The following KLHL8 variants were observed in gnomAD, a reference collection of about 807,000 sequenced individuals.
The protein encoded by KLHL8 is kelch like family member 8.
In KLHL8, 38 loss-of-function variants were observed where a neutral mutation model predicts 63.5. The observed-to-expected ratio is 0.60, with a 90% CI of 0.46 to 0.78. The LOEUF (loss-of-function observed/expected upper bound fraction) is 0.78. KLHL8 is among the 30% of genes least tolerant of loss of function. KLHL8 has a pLI of 0.00. For synonymous variants in KLHL8, 224 were observed against 254.3 expected, an observed-to-expected ratio of 0.88 and a Z score of 1.13; for missense variants, 566 against 752.4, an observed-to-expected ratio of 0.75 and a Z score of 2.90.
chr4:87,217,797 A>G (rs773914873), intron 1 of KLHL8, among the ~76,000 whole-genome samples: 1 of 152,018 alleles, frequency 6.6e-6, no homozygotes, highest in Non-Finnish European at 1.5e-5. Context: ...TTTAGTTCTT[A>G]ATATACAAAA....
At chr4:87,202,892 A>G (rs946352046) in intron 1 of KLHL8, among the ~76,000 whole-genome samples, 13 of 152,244 alleles carry the variant, frequency 8.5e-5, no homozygotes, top group Non-Finnish European at 1.5e-4. Context: ...TCATGAATAC[A>G]GACATAAAAA....
intron 8 of KLHL8, 106 bp from the exon 9 acceptor site, chr4:87,164,185 A>G (rs1267199229): frequency 2.8e-6 from 3 of 1,082,548 alleles, no homozygotes; most frequent in Non-Finnish European, 4.0e-6. Context: ...TCATTTTAGA[A>G]TGGTTTAGAG....
At chr4:87,181,556 TCA>T (rs1282631907) in intron 4 of KLHL8, among the ~76,000 whole-genome samples, 2 of 151,836 alleles carry the variant, frequency 1.3e-5, no homozygotes, top group Non-Finnish European at 2.9e-5. Context: ...AACTAGTATT[TCA>T]TCTATATAGT....
At chr4:87,197,078 T>C (rs1195935533) in intron 1 of KLHL8, among the ~76,000 whole-genome samples, 1 of 152,244 alleles carries the variant, frequency 6.6e-6, no homozygotes, top group African/African-American at 2.4e-5. Context: ...CAATGGTTAA[T>C]GTAAGGTTAT....
At position 87,177,900 on chromosome 4, in the gene KLHL8, A is replaced by G. The variant is rs140034058; in HGVS notation, c.1096+577T>C. Among the ~76,000 whole-genome samples the G allele has an allele frequency of 6.9e-3, 1,052 of 152,258 alleles. 9 individuals carry two copies. The highest frequency in any genetic ancestry group is 0.024 in the African/African-American group (993 of 41,542). Reference sequence around the variant, plus strand: ...TTAATATGATCAATTTTTTTCCTCAATAAAACAAACAAAAACACACAGAGA... The same window carrying G: ...TTAATATGATCAATTTTTTTCCTCAGTAAAACAAACAAAAACACACAGAGA... On this transcript the variant is annotated intron_variant, in intron 5 of 9. Transcript: ENST00000273963.
At chr4:87,176,697 T>TA in intron 6 of KLHL8, 60 bp downstream of exon 6, 3 of 1,035,532 alleles carry the variant, frequency 2.9e-6, no homozygotes, top group Non-Finnish European at 2.9e-6. Context: ...ATAAGGCCTT[T>TA]AAATTTTAAG....
chr4:87,226,867 T>A (rs867837405), intron 1 of KLHL8, among the ~76,000 whole-genome samples: 2 of 31,450 alleles, frequency 6.4e-5, no homozygotes, highest in African/African-American at 2.5e-4. Flanking sequence ...ATAATATATA[T>A]TATATATAAA....
chr4:87,161,990 T>G lies in KLHL8; in HGVS notation c.*1529A>C, dbSNP rs1730193705. 6.6e-6 allele frequency: 1 copy of G among 152,254 alleles called. No homozygotes were observed. 9.4% of individuals were successfully genotyped at this position (152,254 alleles called of 1,614,324 possible). A position where few individuals can be genotyped will look rare whatever the true frequency, so the allele number is the denominator to read the frequency against. ...CTTTTTTTTGTGATGTGGCTTTTTT[T>G]GTGATGTGGCTTTCCACACTATTGT... On this transcript the variant is annotated 3_prime_UTR_variant, in exon 10 of 10. Coordinates refer to ENST00000273963, the MANE Select transcript of KLHL8 (RefSeq NM_020803.5).
At chr4:87,189,910 T>C (rs2110003039) in intron 2 of KLHL8, among the ~76,000 whole-genome samples, 1 of 151,740 alleles carries the variant, frequency 6.6e-6, no homozygotes, top group East Asian at 1.9e-4. Flanking sequence ...GGCACGCGCC[T>C]GTAGTCCCAG....
At chr4:87,215,905 A>T (rs147222184) in intron 1 of KLHL8, among the ~76,000 whole-genome samples, 1,743 of 152,300 alleles carry the variant, frequency 0.011, 38 homozygotes, top group African/African-American at 0.04. Flanking sequence ...GGATTTAATA[A>T]AATTTTATAC....
At chr4:87,199,265 A>G (rs1215634497) in intron 1 of KLHL8, among the ~76,000 whole-genome samples, 1 of 152,170 alleles carries the variant, frequency 6.6e-6, no homozygotes, top group Non-Finnish European at 1.5e-5. Context: ...AAAAAACACT[A>G]TATAAAAATA....
intron 1 of KLHL8, among the ~76,000 whole-genome samples, chr4:87,197,221 TGTGGGAAAGTGATG>T (rs1731732955): frequency 1.3e-5 from 2 of 151,596 alleles, no homozygotes. Context: ...ATTGACGGAA[TGTGGGAAAGTGATG>T]AGATGCCACT....
intron 1 of KLHL8, among the ~76,000 whole-genome samples, chr4:87,231,207 G>T (rs1343259080): frequency 2.6e-5 from 4 of 152,140 alleles, no homozygotes; most frequent in African/African-American, 9.7e-5. Flanking sequence ...AGTTTCCCAG[G>T]GGAGTGAGCC....
intron 1 of KLHL8, among the ~76,000 whole-genome samples, chr4:87,212,364 C>G (rs1732435082): frequency 6.6e-6 from 1 of 151,992 alleles, no homozygotes; most frequent in Non-Finnish European, 1.5e-5. Flanking sequence ...ACTGCTTGAG[C>G]CTACCAGGAG....
chr4:87,198,716 G>C (rs868754599), intron 1 of KLHL8, among the ~76,000 whole-genome samples: 1 of 152,198 alleles, frequency 6.6e-6, no homozygotes, highest in Middle Eastern at 3.2e-3. Flanking sequence ...ACTTGTGATG[G>C]AACTGTACTG....
At chr4:87,227,073 T>C (rs1399220107) in intron 1 of KLHL8, among the ~76,000 whole-genome samples, 3 of 137,396 alleles carry the variant, frequency 2.2e-5, no homozygotes, top group Admixed American at 8.8e-5. Context: ...ATAGAGTCAA[T>C]CTGAAAAGTT....
At chr4:87,214,579 C>T (rs905515278) in intron 1 of KLHL8, among the ~76,000 whole-genome samples, 4 of 151,308 alleles carry the variant, frequency 2.6e-5, no homozygotes, top group Non-Finnish European at 4.4e-5. Context: ...AGTTAAGACA[C>T]CTAACCAAGG....
intron 8 of KLHL8, among the ~76,000 whole-genome samples, chr4:87,166,255 C>T (rs1220399267): frequency 6.6e-6 from 1 of 152,180 alleles, no homozygotes; most frequent in African/African-American, 2.4e-5. Flanking sequence ...TTCTTTAATA[C>T]ACATGAGCAC....
rs143436642 is a variant in KLHL8 at position 87,215,554 on chromosome 4, T to C, written c.-152+4864A>G. Among the ~76,000 whole-genome samples the C allele has an allele frequency of 4.8e-3, 729 of 152,346 alleles. 9 individuals carry two copies. The highest frequency in any genetic ancestry group is 0.016 in the African/African-American group (668 of 41,574). ...GGACAGATTCATTCACAAGTTTGTT[T>C]AGCATCACTTGATCCACCTCATACT... On this transcript the variant is annotated intron_variant, in intron 1 of 9. Transcript: ENST00000273963.
Sources: allele counts gnomAD v4.1 joint callset (sites outside exome capture counted in the v4.1 genomes callset), GRCh38; gene constraint gnomAD v4.1.1; transcripts MANE v1.5; gene names NCBI Gene and HGNC (gene_info 2026-07-23, HGNC 2026-07-21).